Variants in SETBP1 observed in about 807,000 individuals in gnomAD.
SETBP1 encodes the protein SET-binding protein.
SETBP1 carries 9 observed loss-of-function variants against 101.0 expected under a neutral mutation model. That is an observed-to-expected ratio of 0.09 (90% CI 0.05 to 0.16). SETBP1 has a LOEUF of 0.16. Ranked by LOEUF, SETBP1 falls within the 10% of genes least tolerant of loss-of-function variation. The pLI is 1.00. For missense variants in SETBP1, 1,858 were observed against 2,033.8 expected (o/e 0.91, Z 1.66); for synonymous variants, 818 against 788.5 (o/e 1.04, Z -0.63).
chr18:44,764,499 G>T (rs553659026), intron 2 of SETBP1, among the ~76,000 whole-genome samples: 75 of 151,798 alleles, frequency 4.9e-4, no homozygotes, highest in African/African-American at 1.8e-3. Flanking sequence ...TCTTGGCAGA[G>T]CCTTGCTCTG....
intron 4 of SETBP1, among the ~76,000 whole-genome samples, chr18:44,963,735 C>G (rs1455524957): frequency 6.6e-6 from 1 of 150,672 alleles, no homozygotes; most frequent in Non-Finnish European, 1.5e-5. Flanking sequence ...TAAAAATATA[C>G]AAAAATTAGC....
chr18:44,986,868 G>A (rs1001514737), intron 4 of SETBP1: 5 of 151,742 alleles, frequency 3.3e-5, no homozygotes, highest in African/African-American at 1.2e-4. Context: ...TTTATAAGTA[G>A]AAGGAGTGTA....
chr18:44,718,812 C>T (rs571151329), intron 2 of SETBP1, among the ~76,000 whole-genome samples: 1 of 152,086 alleles, frequency 6.6e-6, no homozygotes. Flanking sequence ...CCACTGGTAT[C>T]AGAGCTGCTG....
chr18:44,854,038 A>G (rs1246745765), intron 2 of SETBP1, among the ~76,000 whole-genome samples: 1 of 152,130 alleles, frequency 6.6e-6, no homozygotes, highest in African/African-American at 2.4e-5. Flanking sequence ...TCTTGAACTT[A>G]TCACAGCTCT....
intron 4 of SETBP1, among the ~76,000 whole-genome samples, chr18:45,038,271 A>G (rs904223480): frequency 4.6e-5 from 7 of 152,248 alleles, no homozygotes; most frequent in East Asian, 3.8e-4. Flanking sequence ...CCAGGCAGCC[A>G]ACCTAGAATG....
At chr18:44,689,589 G>A (rs886846448) in intron 1 of SETBP1, among the ~76,000 whole-genome samples, 1 of 152,214 alleles carries the variant, frequency 6.6e-6, no homozygotes. Context: ...AAAACCAGGG[G>A]AGGAGTAGCA....
chr18:44,866,022 G>A (rs2069120324), intron 2 of SETBP1, among the ~76,000 whole-genome samples: 1 of 152,206 alleles, frequency 6.6e-6, no homozygotes, highest in South Asian at 2.1e-4. Context: ...TCTGAACTGG[G>A]ATGGGCCCAT....
At chr18:44,921,646 T>C (rs1006999881) in intron 3 of SETBP1, among the ~76,000 whole-genome samples, 3 of 152,206 alleles carry the variant, frequency 2.0e-5, no homozygotes, top group African/African-American at 7.2e-5. Context: ...TGCTTGGATC[T>C]GCGCTAAATG....
chr18:44,848,214 G>A (rs545411405), intron 2 of SETBP1, among the ~76,000 whole-genome samples: 53 of 152,246 alleles, frequency 3.5e-4, no homozygotes, highest in East Asian at 2.3e-3. Context: ...GTAAGCTAGC[G>A]ATGCAGGGGT....
chr18:45,064,235 T>TC lies in SETBP1; in HGVS notation c.*538dup, dbSNP rs1369660136. The TC allele has an allele frequency of 2.0e-5, 3 of 152,820 alleles. No individual in the cohort carries two copies. Among genetic ancestry groups the TC allele is most frequent in the Non-Finnish European group, 1.5e-5 (1 of 68,316 alleles). 9.5% of individuals were successfully genotyped at this position (152,820 alleles called of 1,614,324 possible). On this transcript the variant is annotated 3_prime_UTR_variant, in exon 6 of 6. Transcript: ENST00000649279. ...CAACGTCATCTTCAGGTGACCTGAA[T>TC]CTTTCCCTTAACCGTACAGTTTCTC...
At chr18:44,791,932 C>G (rs995927450) in intron 2 of SETBP1, among the ~76,000 whole-genome samples, 3 of 152,062 alleles carry the variant, frequency 2.0e-5, no homozygotes, top group African/African-American at 7.2e-5. Context: ...TCCTACTCAA[C>G]TGTGGGGAAG....
chr18:44,936,372 C>T (rs1456535077), intron 3 of SETBP1, among the ~76,000 whole-genome samples: 1 of 152,236 alleles, frequency 6.6e-6, no homozygotes, highest in African/African-American at 2.4e-5. Flanking sequence ...TCCAATTAGC[C>T]CCTCCAAGCC....
intron 2 of SETBP1, among the ~76,000 whole-genome samples, chr18:44,707,202 A>C (rs1472524986): frequency 6.6e-6 from 1 of 152,156 alleles, no homozygotes; most frequent in Non-Finnish European, 1.5e-5. Flanking sequence ...ACACCCTATA[A>C]AAGTAAAGGA....
chr18:44,793,211 TCA>T (rs1261810652), intron 2 of SETBP1, among the ~76,000 whole-genome samples: 8 of 152,230 alleles, frequency 5.3e-5, no homozygotes, highest in Admixed American at 4.6e-4. Context: ...CTGCTGAACC[TCA>T]GTTTTTTTAT....
At chr18:44,935,875 A>G (rs2070944954) in intron 3 of SETBP1, among the ~76,000 whole-genome samples, 1 of 152,178 alleles carries the variant, frequency 6.6e-6, no homozygotes, top group Non-Finnish European at 1.5e-5. Context: ...ACAGGTTTTT[A>G]CTGATAGGAC....
At chr18:44,782,581 C>T (rs981066563) in intron 2 of SETBP1, among the ~76,000 whole-genome samples, 4 of 152,106 alleles carry the variant, frequency 2.6e-5, no homozygotes, top group African/African-American at 9.7e-5. Flanking sequence ...GTTTTTCCCC[C>T]TGTTGGGACT....
chr18:44,965,642 A>G (rs1025081580), intron 4 of SETBP1, among the ~76,000 whole-genome samples: 4 of 152,334 alleles, frequency 2.6e-5, no homozygotes, highest in African/African-American at 9.6e-5. Context: ...AAAATTTTCC[A>G]GGAGATTTCT....
intron 2 of SETBP1, among the ~76,000 whole-genome samples, chr18:44,750,640 CA>C (rs1177151823): frequency 6.6e-6 from 1 of 152,182 alleles, no homozygotes; most frequent in Non-Finnish European, 1.5e-5. Flanking sequence ...GGCATTTGGC[CA>C]CCTGAGTTGG....
intron 2 of SETBP1, among the ~76,000 whole-genome samples, chr18:44,856,764 G>A (rs563269533): frequency 4.6e-5 from 7 of 152,334 alleles, no homozygotes; most frequent in East Asian, 3.9e-4. Flanking sequence ...GTTGAGGAAA[G>A]CCTTAGAGTG....
Sources: allele counts gnomAD v4.1 joint callset (sites outside exome capture counted in the v4.1 genomes callset), GRCh38; gene constraint gnomAD v4.1.1; transcripts MANE v1.5; gene names NCBI Gene and HGNC (gene_info 2026-07-23, HGNC 2026-07-21).